CACNA1E: variants seen among roughly 807,000 people sequenced by gnomAD.
CACNA1E encodes the protein calcium voltage-gated channel subunit alpha1 E.
In CACNA1E, 40 loss-of-function variants were observed where a neutral mutation model predicts 259.2. The ratio of observed to expected loss-of-function variants is 0.15; its 90% CI spans 0.12 to 0.20. CACNA1E has a LOEUF of 0.20. Ranked by LOEUF, CACNA1E falls within the 10% of genes least tolerant of loss-of-function variation. The pLI is 1.00. For missense variants in CACNA1E, 1,874 were observed against 3,040.1 expected, an observed-to-expected ratio of 0.62 and a Z score of 9.02; for synonymous variants, 1,104 against 1,138.5, an observed-to-expected ratio of 0.97 and a Z score of 0.61.
intron 3 of CACNA1E, among the ~76,000 whole-genome samples, chr1:181,552,532 T>C (rs926444031): frequency 2.0e-5 from 3 of 152,174 alleles, no homozygotes; most frequent in Non-Finnish European, 2.9e-5. Context: ...TCCATTCCAT[T>C]GTATGGATGT....
At chr1:181,629,610 G>A (rs2101932852) in intron 6 of CACNA1E, among the ~76,000 whole-genome samples, 1 of 151,876 alleles carries the variant, frequency 6.6e-6, no homozygotes, top group South Asian at 2.1e-4. Context: ...GTCAACAAAT[G>A]ATTAATACAC....
At chr1:181,387,230 C>A (rs1338758401) in intron 1 of CACNA1E, among the ~76,000 whole-genome samples, 1 of 152,138 alleles carries the variant, frequency 6.6e-6, no homozygotes, top group Non-Finnish European at 1.5e-5. Flanking sequence ...AGCTTTCCTG[C>A]AGAAAGGCAG....
chr1:181,633,797 C>A (rs1426246797), intron 6 of CACNA1E, among the ~76,000 whole-genome samples: 2 of 152,200 alleles, frequency 1.3e-5, no homozygotes, highest in Admixed American at 1.3e-4. Flanking sequence ...TGGCCTCAAA[C>A]TGTACTTCAC....
intron 1 of CACNA1E, among the ~76,000 whole-genome samples, chr1:181,362,163 C>T (rs1653928756): frequency 1.3e-5 from 2 of 152,208 alleles, no homozygotes; most frequent in South Asian, 2.1e-4. Flanking sequence ...GCTGTTTTCT[C>T]CAGCAACTTC....
chr1:181,586,348 G>T (rs1175945277), intron 6 of CACNA1E, among the ~76,000 whole-genome samples: 1 of 152,140 alleles, frequency 6.6e-6, no homozygotes, highest in African/African-American at 2.4e-5. Flanking sequence ...CTTGGCTGGA[G>T]AAATAAATTT....
chr1:181,743,966 A>G (rs1656827256), intron 25 of CACNA1E, among the ~76,000 whole-genome samples: 1 of 152,262 alleles, frequency 6.6e-6, no homozygotes, highest in African/African-American at 2.4e-5. Context: ...CTGACGCCAA[A>G]GCTTCCCATT....
At chr1:181,574,608 T>C (rs557297927) in intron 3 of CACNA1E, among the ~76,000 whole-genome samples, 1 of 152,306 alleles carries the variant, frequency 6.6e-6, no homozygotes, top group Admixed American at 6.5e-5. Context: ...GTGTTTCAGA[T>C]TTAGTGGGAG....
rs74130055 is a variant in CACNA1E, at chr1:181,580,495, G to C, written c.770-100G>C. 1,725 of 1,162,462 alleles carry C rather than the reference G, an allele frequency of 1.5e-3. 15 individuals carry two copies. In the African/African-American group the frequency reaches 0.022, roughly 15 times the overall value. 72.0% of individuals were successfully genotyped at this position (1,162,462 alleles called of 1,614,324 possible). A position where few individuals can be genotyped will look rare whatever the true frequency, so the allele number is the denominator to read the frequency against. On this transcript the variant is annotated intron_variant, in intron 5 of 47. Transcript: ENST00000367573. ...GACAAAAAAGGGCAGGCCTCTTTCCGTGGGGGAATGGAATTGCTTGCCTAT... is the reference window on the plus strand; with the variant it reads ...GACAAAAAAGGGCAGGCCTCTTTCCCTGGGGGAATGGAATTGCTTGCCTAT...
intron 3 of CACNA1E, among the ~76,000 whole-genome samples, chr1:181,541,380 G>C (rs1392163757): frequency 6.6e-6 from 1 of 151,950 alleles, no homozygotes; most frequent in East Asian, 1.9e-4. Context: ...AATTTTCAAG[G>C]AATAGGATTT....
intron 3 of CACNA1E, among the ~76,000 whole-genome samples, chr1:181,536,992 A>G (rs2102759869): frequency 6.6e-6 from 1 of 152,058 alleles, no homozygotes; most frequent in South Asian, 2.1e-4. Flanking sequence ...ATCAGATCCC[A>G]GTGGCCACCC....
chr1:181,579,247 TCTC>T (rs1313065245), intron 5 of CACNA1E, 23 bp downstream of exon 5: 1 of 1,595,306 alleles, frequency 6.3e-7, no homozygotes, highest in Admixed American at 1.7e-5. Flanking sequence ...TTTTCTGTCT[TCTC>T]CTTTTCCCTT....
chr1:181,439,478 G>A (rs1471990539), intron 2 of CACNA1E, among the ~76,000 whole-genome samples: 3 of 152,072 alleles, frequency 2.0e-5, no homozygotes, highest in Admixed American at 6.6e-5. Flanking sequence ...GTGTGAAACC[G>A]GTATACACAA....
chr1:181,382,014 G>A (rs1254350033), intron 1 of CACNA1E, among the ~76,000 whole-genome samples: 1 of 152,208 alleles, frequency 6.6e-6, no homozygotes, highest in East Asian at 1.9e-4. Context: ...GAGTAGATGA[G>A]ATCTCTGGCC....
intron 1 of CACNA1E, among the ~76,000 whole-genome samples, chr1:181,382,040 A>G (rs548025185): frequency 2.0e-4 from 31 of 152,310 alleles, no homozygotes; most frequent in Non-Finnish European, 3.5e-4. Flanking sequence ...GCATGGAGCA[A>G]GGGAAGAGAA....
intron 26 of CACNA1E, 68 bp downstream of exon 26, chr1:181,750,555 G>A: frequency 6.9e-7 from 1 of 1,456,296 alleles, no homozygotes; most frequent in Non-Finnish European, 9.6e-7. Context: ...AGAAAGTATG[G>A]TTGGGAGGGG....
intron 7 of CACNA1E, among the ~76,000 whole-genome samples, chr1:181,702,869 G>C (rs554816614): frequency 1.1e-4 from 16 of 152,188 alleles, no homozygotes; most frequent in Admixed American, 8.5e-4. Context: ...TTTTCCCTGA[G>C]GAATTATCAG....
rs913742035 is a variant in CACNA1E, at chr1:181,425,119, C to T, written c.434+11539C>T. On this transcript the variant is annotated intron_variant, in intron 2 of 11. Transcript: ENST00000524607. ...ATATTTTTTCTTCTTTTATGGTGCC[C>T]CCAAGTGGTTGTTTCTGTGTATTGC... Among the ~76,000 whole-genome samples the T allele has an allele frequency of 2.0e-5, 3 of 152,268 alleles. No individual in the cohort carries two copies. In the East Asian group the frequency reaches 5.8e-4, roughly 29 times the overall value.
chr1:181,805,326 T>C lies in CACNA1E; in HGVS notation c.*6492T>C, dbSNP rs750111227. On this transcript the variant is annotated 3_prime_UTR_variant, in exon 48 of 48. Transcript: ENST00000367573. ...TTTTTTTTTATGGCAATGGCCTATA[T>C]GGCACAAGAACCACCACTTAAAGCA... The C allele has an allele frequency of 6.6e-6, 1 of 152,256 alleles. No individual in the cohort carries two copies. The highest frequency in any genetic ancestry group is 1.5e-5 in the Non-Finnish European group (1 of 68,036). 9.4% of individuals were successfully genotyped at this position (152,256 alleles called of 1,614,324 possible). A position where few individuals can be genotyped will look rare whatever the true frequency, so the allele number is the denominator to read the frequency against.
At chr1:181,483,484 CTTT>C (rs958969809), upstream of CACNA1E, 21 of 328,598 alleles carry the variant, frequency 6.4e-5, no homozygotes, top group African/African-American at 4.4e-4. Context: ...CTACCACCCG[CTTT>C]TTTTTTCTTT....
Sources: allele counts gnomAD v4.1 joint callset (sites outside exome capture counted in the v4.1 genomes callset), GRCh38; gene constraint gnomAD v4.1.1; transcripts MANE v1.5; gene names NCBI Gene and HGNC (gene_info 2026-07-23, HGNC 2026-07-21).